Variants in TFIP11 observed in about 807,000 individuals in gnomAD.
TFIP11 encodes the protein tuftelin-interacting protein 11.
TFIP11 carries 86 observed loss-of-function variants against 96.8 expected under a neutral mutation model. The observed-to-expected ratio is 0.89, with a 90% CI of 0.75 to 1.06. TFIP11 has a LOEUF of 1.06. Among genes scored for constraint, TFIP11 ranks in the 50% least tolerant of loss-of-function variants. The pLI, the probability that TFIP11 is intolerant of heterozygous loss-of-function variation, is 0.00. For synonymous variants in TFIP11, 405 were observed against 395.2 expected (o/e 1.02, Z -0.29); for missense variants, 881 against 1,076.7 (o/e 0.82, Z 2.54).
rs749219240 is a variant in TFIP11, at chr22:26,501,899, C to T, written c.801+1G>A. On this transcript the variant is annotated splice_donor_variant, in intron 8 of 14. Coordinates refer to ENST00000407690, the MANE Select transcript of TFIP11 (RefSeq NM_012143.4). LOFTEE classifies it high-confidence loss of function. ...TACCAGGTGTCCAAGGGCCCCTGTACCTTGACTTGAGAAAGTTCCTTCTGG... is the reference window on the plus strand; with the variant it reads ...TACCAGGTGTCCAAGGGCCCCTGTATCTTGACTTGAGAAAGTTCCTTCTGG... 6.2e-7 allele frequency: 1 copy of T among 1,611,694 alleles called. No individual in the cohort carries two copies. Among genetic ancestry groups the T allele is most frequent in the Non-Finnish European group, 8.5e-7 (1 of 1,179,106 alleles).
At position 26,496,121 on chromosome 22, in the gene TFIP11, G is replaced by A. The variant is rs1266910751; in HGVS notation, c.1801C>T (p.Pro601Ser). The change falls in exon 12 of 15, where the codon CCT becomes TCT. Residue 601 changes from proline (P) to serine (S), a missense_variant. Coordinates refer to ENST00000407690, the MANE Select transcript of TFIP11 (RefSeq NM_012143.4). ...ILQPWKDVFT[P>S]GSWEAFMVKN... is the part of the protein sequence containing the mutation. Reference sequence around the variant, plus strand: ...ACCATGAATGCTTCCCAGGAGCCAGGAGTGAAGACATCCTTCCAGGGCTGG... The same window carrying A: ...ACCATGAATGCTTCCCAGGAGCCAGAAGTGAAGACATCCTTCCAGGGCTGG... The A allele has an allele frequency of 2.5e-6, 4 of 1,613,860 alleles. No individual in the cohort carries two copies. In the African/African-American group the frequency reaches 4.0e-5, roughly 16 times the overall value.
chr22:26,501,102 C>T (rs1602212985), intron 8 of TFIP11, among the ~76,000 whole-genome samples: 1 of 152,036 alleles, frequency 6.6e-6, no homozygotes, highest in Non-Finnish European at 1.5e-5. Context: ...AGGACGGTCT[C>T]GATCTCCTGA....
At position 26,503,830 on chromosome 22, in the gene TFIP11, G is replaced by T. The variant is rs759256366; in HGVS notation, c.521-37C>A. ...CAGCAAAAAAAAAAGAGAGTCTTAC[G>T]ATCACAGCAATTCATGTATGTGAAT... On this transcript the variant is annotated intron_variant, in intron 6 of 14. Transcript: ENST00000407690. 3.1e-6 allele frequency: 5 copies of T among 1,607,118 alleles called. No individual in the cohort carries two copies. In the African/African-American group the frequency reaches 4.0e-5, roughly 13 times the overall value.
Position 26,496,904 on chromosome 22 carries a change from C to T in TFIP11, c.1437-15G>A, listed in dbSNP as rs1454746103. 6.2e-7 allele frequency: 1 copy of T among 1,613,208 alleles called. No homozygotes were observed. ...CCCATATCAACCTATGGGAGAAAGG[C>T]AGAGGACAGGCTGGTTAATTACACT... On this transcript the variant is annotated splice_polypyrimidine_tract_variant and intron_variant, in intron 10 of 14. Transcript: ENST00000407690.
rs770584736 is a variant in TFIP11 at position 26,503,753 on chromosome 22, T to C, written c.561A>G (p.Lys187=). 3.1e-6 allele frequency: 5 copies of C among 1,613,660 alleles called. No individual in the cohort carries two copies. The South Asian group carries it at 5.5e-5, about 18-fold the overall frequency. Residue 187 remains lysine, a synonymous_variant, in exon 7 of 15, where the codon AAA becomes AAG. Transcript: ENST00000407690. ...NPIEAKQRKG[K]GAVGAYGSER... ...CGGATCCATAAGCCCCCACAGCACC[T>C]TTTCCCTTTCTCTGCTTGGCTTCAA...
intron 6 of TFIP11, among the ~76,000 whole-genome samples, chr22:26,505,401 C>A (rs1279566073): frequency 2.0e-5 from 3 of 152,188 alleles, no homozygotes; most frequent in South Asian, 2.1e-4. Context: ...AAACTATGCA[C>A]GATGTTTTAC....
At chr22:26,505,154 G>A (rs1923245047) in intron 6 of TFIP11, among the ~76,000 whole-genome samples, 4 of 152,046 alleles carry the variant, frequency 2.6e-5, no homozygotes, top group Admixed American at 6.6e-5. Flanking sequence ...ATATCTACTT[G>A]GCAATCATGC....
At position 26,494,856 on chromosome 22, in the gene TFIP11, T is replaced by G; in HGVS notation, c.1933A>C (p.Ile645Leu). The G allele has an allele frequency of 6.2e-7, 1 of 1,614,148 alleles. No individual in the cohort carries two copies. Among genetic ancestry groups the G allele is most frequent in the South Asian group, 1.1e-5 (1 of 91,070 alleles). The change falls in exon 13 of 15, where the codon ATC (isoleucine) becomes CTC (leucine). Residue 645 changes from isoleucine to leucine, a missense_variant. By Grantham distance (5) the Ile-to-Leu change is conservative. Transcript: ENST00000407690. Reference protein sequence around the residue: ...FYWVIDWEGMISVSSLVGLLE... With the variant: ...FYWVIDWEGMLSVSSLVGLLE... ...AGTCCCACCAGGCTAGAGACAGAGA[T>G]CATCCCTTCCCAGTCAATCACCCAA... is the stretch of plus-strand genomic sequence containing the variant.
chr22:26,507,925 G>T (rs1400948919), intron 4 of TFIP11, among the ~76,000 whole-genome samples: 4 of 152,090 alleles, frequency 2.6e-5, no homozygotes, highest in Non-Finnish European at 5.9e-5. Context: ...GGCCAACATA[G>T]CAAAATCCTA....
intron 14 of TFIP11, chr22:26,493,669 A>C (rs2147118328): frequency 6.0e-6 from 1 of 165,992 alleles, no homozygotes; most frequent in Admixed American, 5.7e-5. Context: ...GGCTATACAC[A>C]AGCATGAACT....
In TFIP11 at chr22:26,491,793, T is replaced by C; in HGVS notation, c.*220A>G. 9.6e-7 allele frequency: 1 copy of C among 1,044,798 alleles called. No homozygotes were observed. The highest frequency in any genetic ancestry group is 1.6e-5 in the South Asian group (1 of 61,944). The allele number at this position is 1,044,798 out of a possible 1,614,324, so 64.7% of individuals were successfully genotyped here. ...CCAGGAAAGAACATCAACTTGGCTG[T>C]CCTGTTTTGAGGACGATACCCCACA... On this transcript the variant is annotated 3_prime_UTR_variant, in exon 15 of 15. Coordinates refer to ENST00000407690, the MANE Select transcript of TFIP11 (RefSeq NM_012143.4).
rs1232273981 is a variant in TFIP11 at position 26,496,265 on chromosome 22, G to A, written c.1657C>T (p.His553Tyr). 2 of 1,612,462 alleles carry A rather than the reference G, an allele frequency of 1.2e-6. No homozygotes were observed. Among genetic ancestry groups the A allele is most frequent in the Admixed American group, 1.7e-5 (1 of 59,958 alleles). The change falls in exon 12 of 15, where the codon CAC becomes TAC. Residue 553 changes from histidine to tyrosine, a missense_variant. By Grantham distance (83) the His-to-Tyr change is moderately conservative (BLOSUM62 2). Transcript: ENST00000407690. ...GCCTGCATAAGGGGCAGCCATGGGTGGATCCAAGAGTGGATGGGAACAGTG... is the reference window on the plus strand; with the variant it reads ...GCCTGCATAAGGGGCAGCCATGGGTAGATCCAAGAGTGGATGGGAACAGTG... ...TDTVPIHSWIHPWLPLMQARL... is the reference protein window; with the variant it reads ...TDTVPIHSWIYPWLPLMQARL...
At chr22:26,496,575 G>A (rs979233982) in intron 11 of TFIP11, 146 bp downstream of exon 11, 63 of 1,135,746 alleles carry the variant, frequency 5.5e-5, no homozygotes, top group Non-Finnish European at 7.0e-5. Flanking sequence ...TGAGAAAAAG[G>A]CTGGAATTAA....
At chr22:26,500,163 TA>T (rs970203698) in intron 8 of TFIP11, among the ~76,000 whole-genome samples, 18 of 152,256 alleles carry the variant, frequency 1.2e-4, no homozygotes, top group Middle Eastern at 3.4e-3. Context: ...AAAGTTTTTT[TA>T]AATTTAATTT....
At chr22:26,495,551 T>G (rs1921857119) in intron 12 of TFIP11, among the ~76,000 whole-genome samples, 1 of 78,068 alleles carries the variant, frequency 1.3e-5, no homozygotes, top group East Asian at 3.4e-4. Flanking sequence ...AATATATATG[T>G]GTATATATAT....
intron 4 of TFIP11, among the ~76,000 whole-genome samples, chr22:26,508,636 ACAAGGT>A (rs2147149215): frequency 6.6e-6 from 1 of 152,240 alleles, no homozygotes; most frequent in South Asian, 2.1e-4. Flanking sequence ...CAGGCGGATG[ACAAGGT>A]CAAGAGATCC....
At position 26,499,629 on chromosome 22, in the gene TFIP11, G is replaced by T; in HGVS notation, c.804C>A (p.Val268=). 1.2e-6 allele frequency: 2 copies of T among 1,606,670 alleles called. No individual in the cohort carries two copies. Among genetic ancestry groups the T allele is most frequent in the South Asian group, 2.2e-5 (2 of 90,326 alleles). ...TCTGCTCCCGGCCTGTCATGTCTATGACCTTGGAAAACATAGAGGGATGAA... is the reference window on the plus strand; with the variant it reads ...TCTGCTCCCGGCCTGTCATGTCTATTACCTTGGAAAACATAGAGGGATGAA... ...APQKELSQVK[V]IDMTGREQKV... Residue 268 remains valine, a splice_region_variant and synonymous_variant, in exon 9 of 15, where the codon GTC becomes GTA. Coordinates refer to ENST00000407690, the MANE Select transcript of TFIP11 (RefSeq NM_012143.4).
intron 4 of TFIP11, among the ~76,000 whole-genome samples, chr22:26,509,542 C>T (rs942270167): frequency 2.0e-5 from 3 of 152,158 alleles, no homozygotes; most frequent in African/African-American, 4.8e-5. Context: ...ACATAGCAAT[C>T]GCTCAATAAA....
intron 10 of TFIP11, 63 bp from the exon 11 acceptor site, chr22:26,496,952 C>T (rs1278183974): frequency 4.5e-6 from 7 of 1,557,964 alleles, no homozygotes; most frequent in Non-Finnish European, 5.3e-6. Flanking sequence ...AGTACACCAC[C>T]ACCACCTGCC....
Sources: gnomAD v4.1 joint callset for allele counts (sites outside exome capture counted in the v4.1 genomes callset) on GRCh38, gnomAD v4.1.1 for gene constraint, MANE v1.5 for transcripts, NCBI Gene and HGNC (gene_info 2026-07-23, HGNC 2026-07-21) for gene names.